The following USP40 variants were observed in gnomAD, a reference collection of about 807,000 sequenced individuals.
The protein encoded by USP40 is ubiquitin carboxyl-terminal hydrolase 40.
USP40 carries 143 observed loss-of-function variants against 166.2 expected under a neutral mutation model. That is an observed-to-expected ratio of 0.86 (90% CI 0.75 to 0.99). USP40 has a LOEUF of 0.99. USP40 is among the 50% of genes least tolerant of loss of function. The pLI is 0.00. For missense variants in USP40, 1,444 were observed against 1,479.7 expected (o/e 0.98, Z 0.40); for synonymous variants, 498 against 524.0 (o/e 0.95, Z 0.68).
chr2:233,563,285 A>C (rs1354738516), intron 2 of USP40, among the ~76,000 whole-genome samples: 2 of 152,138 alleles, frequency 1.3e-5, no homozygotes, highest in Admixed American at 6.5e-5. Context: ...CAGTGGTCTT[A>C]TCTGGAAAAA....
rs1462732417 is a variant in USP40, at chr2:233,556,682, G to C, written c.546+173C>G. 3 of 482,580 alleles carry C rather than the reference G, an allele frequency of 6.2e-6. No individual in the cohort carries two copies. The East Asian group carries it at 1.1e-4, about 18-fold the overall frequency. The allele number at this position is 482,580 out of a possible 1,614,324, so 29.9% of individuals were successfully genotyped here. Reference sequence around the variant, plus strand: ...ATATTTGCTTCTTTCAATCTACATGGAGAAATCTGGATTATAGGCTCATGA... The same window carrying C: ...ATATTTGCTTCTTTCAATCTACATGCAGAAATCTGGATTATAGGCTCATGA... On this transcript the variant is annotated intron_variant, in intron 5 of 31. Coordinates refer to ENST00000678225, the MANE Select transcript of USP40 (RefSeq NM_001365479.2).
At chr2:233,521,720 C>T (rs918572246) in intron 16 of USP40, among the ~76,000 whole-genome samples, 1 of 152,180 alleles carries the variant, frequency 6.6e-6, no homozygotes, top group African/African-American at 2.4e-5. Flanking sequence ...TGGGAATGTA[C>T]ATTAGAGCTC....
chr2:233,481,182 T>G (rs1408762214), intron 31 of USP40, 21 bp downstream of exon 31: 1 of 1,582,518 alleles, frequency 6.3e-7, no homozygotes, highest in East Asian at 2.3e-5. Flanking sequence ...GCTGCACATC[T>G]GTGCAGACCC....
intron 19 of USP40, chr2:233,512,044 C>G (rs1440495043): frequency 2.9e-6 from 1 of 344,264 alleles, no homozygotes; most frequent in African/African-American, 2.2e-5. Flanking sequence ...GTCTAGTTTC[C>G]TACTTAATAA....
rs73121136 is a variant in USP40, at chr2:233,521,042, G to A, written c.2274C>T (p.Cys758=). The change falls in exon 17 of 32, where the codon TGC becomes TGT. Residue 758 remains cysteine, a synonymous_variant. Coordinates refer to ENST00000678225, the MANE Select transcript of USP40 (RefSeq NM_001365479.2). ...CTTGCTTCTCTTCAGATTCTAACTG[G>A]CATAAATTTTTAACGTGGAGCCAGT... is the stretch of plus-strand genomic sequence containing the variant. ...EIDWLHVKNL[C]QLESEEKQVK... is the part of the protein sequence containing the mutation. 1.2e-3 allele frequency: 1,917 copies of A among 1,613,246 alleles called. 22 individuals carry two copies. The African/African-American group carries it at 0.023, about 19-fold the overall frequency.
At chr2:233,512,709 C>T in intron 18 of USP40, 87 bp from the exon 19 acceptor site, 1 of 615,354 alleles carries the variant, frequency 1.6e-6, no homozygotes, top group Admixed American at 4.1e-5. Context: ...AAGCTGGTTA[C>T]AGCATCAAAC....
intron 6 of USP40, among the ~76,000 whole-genome samples, chr2:233,553,728 T>C (rs937580884): frequency 2.6e-5 from 4 of 152,258 alleles, no homozygotes; most frequent in African/African-American, 9.6e-5. Context: ...TGGCTACTGA[T>C]ATATGAATGT....
In USP40 at chr2:233,533,521, T is replaced by A. The variant is rs1349670651; in HGVS notation, c.1429A>T (p.Met477Leu). ...QQFQGKESAY[M>L]LFYRKSQLQR... ...AACTGGGATTTCCGATAAAACAACA[T>A]GTAGGCACTTTCTTTACCCTGAAAT... is the stretch of plus-strand genomic sequence containing the variant. The change falls in exon 11 of 32, where the codon ATG becomes TTG. Residue 477 changes from methionine to leucine, a missense_variant. Physicochemically the swap from Met to Leu is conservative, Grantham distance 15 (BLOSUM62 2). Coordinates refer to ENST00000678225, the MANE Select transcript of USP40 (RefSeq NM_001365479.2). 6.2e-7 allele frequency: 1 copy of A among 1,613,818 alleles called. No individual in the cohort carries two copies. The highest frequency in any genetic ancestry group is 1.7e-4 in the Middle Eastern group (1 of 6,060).
intron 11 of USP40, among the ~76,000 whole-genome samples, chr2:233,530,215 C>CACACAA (rs2068406141): frequency 6.6e-6 from 1 of 151,620 alleles, no homozygotes; most frequent in African/African-American, 2.4e-5. Flanking sequence ...GACACACACA[C>CACACAA]ACACACACAC....
chr2:233,521,008 A>G lies in USP40; in HGVS notation c.2308T>C (p.Ser770Pro), dbSNP rs778525679. Reference sequence around the variant, plus strand: ...CTACTCACTGTGTTAACAGTTGCTGATATTTTAACTTGCTTCTCTTCAGAT... The same window carrying G: ...CTACTCACTGTGTTAACAGTTGCTGGTATTTTAACTTGCTTCTCTTCAGAT... ...LESEEKQVKISATVNTMVFDI... is the reference protein window; with the variant it reads ...LESEEKQVKIPATVNTMVFDI... The change falls in exon 17 of 32, where the codon TCA (serine) becomes CCA (proline). Residue 770 changes from serine (S) to proline (P), a missense_variant. By Grantham distance (74) the Ser-to-Pro change is moderately conservative. Transcript: ENST00000678225. 8 of 1,613,316 alleles carry G rather than the reference A, an allele frequency of 5.0e-6. No individual in the cohort carries two copies. Among genetic ancestry groups the G allele is most frequent in the Non-Finnish European group, 6.8e-6 (8 of 1,179,626 alleles).
intron 27 of USP40, 31 bp from the exon 28 acceptor site, chr2:233,488,335 G>C: frequency 6.6e-7 from 1 of 1,525,300 alleles, no homozygotes; most frequent in Non-Finnish European, 8.9e-7. Flanking sequence ...ATAATATTGA[G>C]TGACATAACA....
At chr2:233,533,936 A>G (rs955301591) in intron 10 of USP40, among the ~76,000 whole-genome samples, 157 bp from the exon 11 acceptor site, 23 of 152,232 alleles carry the variant, frequency 1.5e-4, no homozygotes, top group African/African-American at 5.1e-4. Flanking sequence ...TAGGTATCAT[A>G]AAACATTTAA....
rs79870507 is a variant in USP40 at position 233,480,355 on chromosome 2, G to A, written c.3599+848C>T. On this transcript the variant is annotated intron_variant, in intron 31 of 31. Coordinates refer to ENST00000678225, the MANE Select transcript of USP40 (RefSeq NM_001365479.2). The surrounding 1 kb of genome is among the most constrained non-coding windows in gnomAD (Gnocchi z 4.5). Reference sequence around the variant, plus strand: ...CAGATTTAGGAGAGACCCAGAGTCCGTGAGTCGGGGAGTGGGGGAGGATGA... The same window carrying A: ...CAGATTTAGGAGAGACCCAGAGTCCATGAGTCGGGGAGTGGGGGAGGATGA... Among the ~76,000 whole-genome samples the A allele has an allele frequency of 0.011, 1,643 of 152,344 alleles. 21 individuals carry two copies. Among genetic ancestry groups the A allele is most frequent in the East Asian group, 0.028 (147 of 5,176 alleles).
intron 21 of USP40, among the ~76,000 whole-genome samples, chr2:233,504,777 A>G (rs980957426): frequency 2.0e-5 from 3 of 152,066 alleles, no homozygotes; most frequent in Non-Finnish European, 4.4e-5. Flanking sequence ...TCAACACCTC[A>G]CTTTCAATAA....
Position 233,486,951 on chromosome 2 carries a change from A to C in USP40, c.3198-974T>G, listed in dbSNP as rs1260114621. 2.6e-5 allele frequency among the ~76,000 whole-genome samples: 4 copies of C among 152,118 alleles called. No individual in the cohort carries two copies. Among genetic ancestry groups the C allele is most frequent in the Non-Finnish European group, 5.9e-5 (4 of 68,020 alleles). ...ACAGAGGCTGCTGGAGAGAAACAGG[A>C]GGGACTAGAGGCCTCCTTGAGAGCA... On this transcript the variant is annotated intron_variant, in intron 28 of 31. Transcript: ENST00000678225. This position sits in a 1 kb window ranked among gnomAD's most constrained non-coding sequence, Gnocchi z 4.0.
intron 16 of USP40, 150 bp from the exon 17 acceptor site, chr2:233,521,264 T>C: frequency 1.3e-6 from 1 of 774,454 alleles, no homozygotes. Context: ...TGCAGGGTAA[T>C]GTTAGGCAGT....
At chr2:233,535,643 T>C (rs1016623444) in intron 10 of USP40, among the ~76,000 whole-genome samples, 2 of 152,142 alleles carry the variant, frequency 1.3e-5, no homozygotes, top group African/African-American at 2.4e-5. Flanking sequence ...CAAAGGTAAT[T>C]TGAGGGCTTG....
At chr2:233,550,069 T>C (rs1389758177) in intron 7 of USP40, among the ~76,000 whole-genome samples, 1 of 152,190 alleles carries the variant, frequency 6.6e-6, no homozygotes, top group Admixed American at 6.6e-5. Context: ...TCTTCTGGCT[T>C]TGACGTCTAA....
intron 21 of USP40, among the ~76,000 whole-genome samples, chr2:233,504,444 AAAAG>A (rs911623732): frequency 2.0e-5 from 3 of 152,092 alleles, no homozygotes; most frequent in African/African-American, 7.2e-5. Flanking sequence ...AAGGGATGGA[AAAAG>A]ATAGTCCATG....
Sources: gnomAD v4.1 joint callset for allele counts (sites outside exome capture counted in the v4.1 genomes callset) on GRCh38, gnomAD v4.1.1 for gene constraint, Gnocchi (gnomAD v3.1) non-coding constraint, MANE v1.5 for transcripts, NCBI Gene and HGNC (gene_info 2026-07-23, HGNC 2026-07-21) for gene names.